The following MYCBP2 variants were observed in gnomAD, a reference collection of about 807,000 sequenced individuals.
The protein encoded by MYCBP2 is E3 ubiquitin-protein ligase MYCBP2.
Under a neutral mutation model 525.3 loss-of-function variants are expected in MYCBP2, and 120 were observed. That is an observed-to-expected ratio of 0.23 (90% CI 0.20 to 0.27). MYCBP2 has a LOEUF of 0.27. Ranked by LOEUF, MYCBP2 falls within the 10% of genes least tolerant of loss-of-function variation. The pLI, the probability that MYCBP2 is intolerant of heterozygous loss-of-function variation, is 1.00. For synonymous variants in MYCBP2, 1,894 were observed against 1,955.8 expected (o/e 0.97, Z 0.83); for missense variants, 4,149 against 5,657.1 (o/e 0.73, Z 8.55).
At chr13:77,302,404 A>G (rs1594783867) in intron 1 of MYCBP2, among the ~76,000 whole-genome samples, 1 of 51,680 alleles carries the variant, frequency 1.9e-5, no homozygotes, top group Non-Finnish European at 3.7e-5. Flanking sequence ...GGTAGAGTGG[A>G]GGGATGGGGG....
At chr13:77,284,909 A>G (rs1240888391) in intron 3 of MYCBP2, among the ~76,000 whole-genome samples, 5 of 152,204 alleles carry the variant, frequency 3.3e-5, no homozygotes, top group African/African-American at 1.2e-4. Context: ...AGTGTCACAT[A>G]GCTAGTAATT....
chr13:77,248,701 T>C (rs1438347747), intron 15 of MYCBP2, among the ~76,000 whole-genome samples: 2 of 152,176 alleles, frequency 1.3e-5, no homozygotes, highest in African/African-American at 4.8e-5. Context: ...AAAAATAGTA[T>C]GGCAGTTCCT....
Position 77,294,104 on chromosome 13 carries a change from CTATATATATATATATATATATATATACA to C in MYCBP2, c.378+2467_378+2494del, listed in dbSNP as rs1232809552. Among the ~76,000 whole-genome samples, 270 of 41,912 alleles carry C rather than the reference CTATATATATATATATATATATATATACA, an allele frequency of 6.4e-3. 4 individuals are homozygous for C. Among genetic ancestry groups the C allele is most frequent in the Middle Eastern group, 0.016 (1 of 62 alleles). The allele number at this position is 41,912 out of a possible 152,430, so 27.5% of individuals were successfully genotyped here. ...GATAGCCATAAAGTAGATATAATGG[CTATATATATATATATATATATATATACA>C]TATATATATACATATATATAAAATA... On this transcript the variant is annotated intron_variant, in intron 2 of 82. Coordinates refer to ENST00000544440, the MANE Select transcript of MYCBP2 (RefSeq NM_015057.5).
rs2073416692 is a variant in MYCBP2, at chr13:77,262,220, T to A, written c.1571-91A>T. ...CTATTTTAAGTGATTGCAATGTCAA[T>A]TCAAAATCACTAAAAAACAAGGATG... On this transcript the variant is annotated intron_variant, in intron 10 of 82. Coordinates refer to ENST00000544440, the MANE Select transcript of MYCBP2 (RefSeq NM_015057.5). The A allele has an allele frequency of 4.8e-6, 5 of 1,042,342 alleles. No individual in the cohort carries two copies. The East Asian group carries it at 1.3e-4, about 27-fold the overall frequency. The allele number at this position is 1,042,342 out of a possible 1,614,324, so 64.6% of individuals were successfully genotyped here.
chr13:77,319,463 T>C (rs897606760), intron 1 of MYCBP2, among the ~76,000 whole-genome samples: 4 of 152,192 alleles, frequency 2.6e-5, no homozygotes, highest in Admixed American at 2.0e-4. Flanking sequence ...ACCCTTAAAA[T>C]TAAGTTTTGG....
rs778083111 is a variant in MYCBP2, at chr13:77,217,888, C to T, written c.3009G>A (p.Thr1003=). 9.3e-6 allele frequency: 15 copies of T among 1,611,038 alleles called. 1 individual carries two copies. Among genetic ancestry groups the T allele is most frequent in the Middle Eastern group, 1.7e-4 (1 of 6,050 alleles). Residue 1003 remains threonine (T), a synonymous_variant, in exon 21 of 83, where the codon ACG becomes ACA. Coordinates refer to ENST00000544440, the MANE Select transcript of MYCBP2 (RefSeq NM_015057.5). ...STQVTAGSNH[T]AVLLMDGQVF... is the part of the protein sequence containing the mutation. ...CCTGTCCATCCATTAAAAGTACTGC[C>T]GTATGGTTGCTGCCTGCAGTGACTT... is the stretch of plus-strand genomic sequence containing the variant.
intron 46 of MYCBP2, among the ~76,000 whole-genome samples, chr13:77,151,945 G>A (rs1192986258): frequency 6.6e-6 from 1 of 152,180 alleles, no homozygotes; most frequent in Non-Finnish European, 1.5e-5. Context: ...ACCATTCTGA[G>A]CTTTACTCAA....
chr13:77,296,684 A>G lies in MYCBP2; in HGVS notation c.303-10T>C. 7.3e-7 allele frequency: 1 copy of G among 1,363,062 alleles called. No individual in the cohort carries two copies. Among genetic ancestry groups the G allele is most frequent in the Non-Finnish European group, 1.0e-6 (1 of 999,918 alleles). The allele number at this position is 1,363,062 out of a possible 1,614,324, so 84.4% of individuals were successfully genotyped here. ...TAAAATTTTCTTATTCCTAAATATTAAAAGAAAAATGGGAAAAAAATATGA... is the reference window on the plus strand; with the variant it reads ...TAAAATTTTCTTATTCCTAAATATTGAAAGAAAAATGGGAAAAAAATATGA... On this transcript the variant is annotated splice_polypyrimidine_tract_variant and intron_variant, in intron 1 of 82. Coordinates refer to ENST00000544440, the MANE Select transcript of MYCBP2 (RefSeq NM_015057.5).
intron 52 of MYCBP2, 134 bp from the exon 53 acceptor site, chr13:77,126,676 G>A: frequency 1.6e-6 from 1 of 614,842 alleles, no homozygotes; most frequent in Non-Finnish European, 2.7e-6. Context: ...AAAGATAACT[G>A]AAGAATTAGT....
At chr13:77,162,540 C>T (rs2058059324) in intron 43 of MYCBP2, among the ~76,000 whole-genome samples, 1 of 152,200 alleles carries the variant, frequency 6.6e-6, no homozygotes, top group Non-Finnish European at 1.5e-5. Context: ...TTCTAAACCT[C>T]TAACCAGTGC....
At chr13:77,157,914 T>C in intron 45 of MYCBP2, 23 bp downstream of exon 45, 1 of 1,577,694 alleles carries the variant, frequency 6.3e-7, no homozygotes, top group Non-Finnish European at 8.6e-7. Context: ...TAAAATAAAG[T>C]AAGTAACTTA....
intron 18 of MYCBP2, among the ~76,000 whole-genome samples, chr13:77,229,674 TAAG>T (rs1409331610): frequency 6.6e-6 from 1 of 152,178 alleles, no homozygotes; most frequent in Non-Finnish European, 1.5e-5. Flanking sequence ...CACAATCAGT[TAAG>T]AATTACTATT....
At position 77,320,808 on chromosome 13, in the gene MYCBP2, C is replaced by T. The variant is rs117669442; in HGVS notation, c.302+5666G>A. Among the ~76,000 whole-genome samples, 669 of 152,182 alleles carry T rather than the reference C, an allele frequency of 4.4e-3. 2 individuals are homozygous for T. The highest frequency in any genetic ancestry group is 7.7e-3 in the Non-Finnish European group (525 of 68,006). On this transcript the variant is annotated intron_variant, in intron 1 of 82. Transcript: ENST00000544440. ...ATTTTCTAATGAACACCTAATAAAC[C>T]CTTAAGGTCTAGCTTCCACTTACAG...
chr13:77,188,138 G>A (rs1238240281), intron 30 of MYCBP2, among the ~76,000 whole-genome samples: 2 of 151,570 alleles, frequency 1.3e-5, no homozygotes, highest in Admixed American at 6.6e-5. Context: ...GGTATATATG[G>A]TGATCATGAG....
At chr13:77,084,797 G>A (rs2043937719) in intron 62 of MYCBP2, among the ~76,000 whole-genome samples, 1 of 151,940 alleles carries the variant, frequency 6.6e-6, no homozygotes, top group Admixed American at 6.6e-5. Flanking sequence ...TCTAAGAGTG[G>A]CCAGGACCCT....
intron 80 of MYCBP2, 83 bp downstream of exon 80, chr13:77,055,475 T>A: frequency 9.2e-7 from 1 of 1,082,580 alleles, no homozygotes; most frequent in African/African-American, 1.6e-5. Flanking sequence ...ATGGAATAAT[T>A]AGATATCACT....
At chr13:77,286,755 CAAAAAAAAAAAA>C (rs869038227) in intron 3 of MYCBP2, among the ~76,000 whole-genome samples, 4 of 11,348 alleles carry the variant, frequency 3.5e-4, no homozygotes, top group Admixed American at 1.8e-3. Context: ...GACTCCGTCT[CAAAAAAAAAAAA>C]AAAAAAAAAA....
intron 55 of MYCBP2, among the ~76,000 whole-genome samples, chr13:77,112,932 C>A (rs1199274757): frequency 6.6e-6 from 1 of 152,198 alleles, no homozygotes; most frequent in African/African-American, 2.4e-5. Flanking sequence ...CTCTTTAGAT[C>A]AAATCTTGAC....
chr13:77,168,452 T>C lies in MYCBP2; in HGVS notation c.6090A>G (p.Lys2030=). The part of the protein sequence containing the change: ...YAVIESEHPY[K]PACVMHYKVT... The stretch of plus-strand genomic sequence containing the variant: ...CCTTGTAATGCATCACACAGGCAGG[T>C]TTATACGGGTGCTCACTCTCTATGA... The change falls in exon 40 of 83, where the codon AAA becomes AAG. Residue 2030 remains lysine (K), a synonymous_variant. Transcript: ENST00000544440. 1 of 1,613,924 alleles carries C rather than the reference T, an allele frequency of 6.2e-7. No homozygotes were observed. Among genetic ancestry groups the C allele is most frequent in the Non-Finnish European group, 8.5e-7 (1 of 1,179,924 alleles).
Sources: gnomAD v4.1 joint callset for allele counts (sites outside exome capture counted in the v4.1 genomes callset) on GRCh38, gnomAD v4.1.1 for gene constraint, MANE v1.5 for transcripts, NCBI Gene and HGNC (gene_info 2026-07-23, HGNC 2026-07-21) for gene names.